Variants in C1orf159 observed in about 807,000 individuals in gnomAD.
The protein encoded by C1orf159 is uncharacterized protein C1orf159.
A neutral mutation model predicts 25.6 loss-of-function variants in C1orf159; 19 were observed. The observed-to-expected ratio is 0.74, with a 90% CI of 0.52 to 1.09. C1orf159 has a LOEUF of 1.09. C1orf159 is among the 50% of genes least tolerant of loss of function. The probability of loss-of-function intolerance (pLI) is 0.00; values close to 1 mark genes in which losing one functional copy is unlikely to be tolerated. For missense variants in C1orf159, 274 were observed against 290.6 expected (o/e 0.94, Z 0.42); for synonymous variants, 139 against 124.7 (o/e 1.12, Z -0.77).
Position 1,110,135 on chromosome 1 carries a change from A to G in C1orf159, c.-136+5925T>C, listed in dbSNP as rs1646237525. Among the ~76,000 whole-genome samples the G allele has an allele frequency of 6.6e-6, 1 of 152,136 alleles. No homozygotes were observed. The highest frequency in any genetic ancestry group is 1.5e-5 in the Non-Finnish European group (1 of 68,014). ...GGTCCTGATTATAACTCGGCGTCTT[A>G]TTGCCGCAGAGTCTGTCAGTCTCGT... is the stretch of plus-strand genomic sequence containing the variant. On this transcript the variant is annotated intron_variant, in intron 1 of 9. Transcript: ENST00000421241. The surrounding 1 kb of genome is among the most constrained non-coding windows in gnomAD (Gnocchi z 4.8).
Position 1,084,363 on chromosome 1 carries a change from T to C in C1orf159, c.492A>G (p.Pro164=), listed in dbSNP as rs767160197. 1.3e-6 allele frequency: 2 copies of C among 1,561,668 alleles called. No homozygotes were observed. Among genetic ancestry groups the C allele is most frequent in the African/African-American group, 2.7e-5 (2 of 73,102 alleles). ...PGEAAAMIPP[P]QSSVRKPRYV... The stretch of plus-strand genomic sequence containing the variant: ...GACAGCTGCTGTTACCTGAGGACTG[T>C]GGCGGGGGGATCATTGCAGCCTTGA... Residue 164 remains proline (P), a synonymous_variant, in exon 9 of 10, where the codon CCA becomes CCG. Transcript: ENST00000421241.
chr1:1,086,323 G>A (rs1016762757), intron 6 of C1orf159, among the ~76,000 whole-genome samples: 3 of 152,230 alleles, frequency 2.0e-5, no homozygotes, highest in African/African-American at 4.8e-5. Context: ...ACACCTCTCC[G>A]ATTCCAGTTG....
intron 3 of C1orf159, chr1:1,090,846 T>C (rs1196067243): frequency 6.6e-7 from 1 of 1,525,634 alleles, no homozygotes; most frequent in African/African-American, 1.4e-5. Flanking sequence ...GCCCAGGTAC[T>C]GCACAGGTGC....
intron 3 of C1orf159, chr1:1,090,819 C>T (rs376634449): frequency 1.7e-5 from 25 of 1,430,860 alleles, no homozygotes; most frequent in Non-Finnish European, 2.0e-5. Flanking sequence ...TTTCAGGGGA[C>T]GAATTCACGC....
chr1:1,085,059 G>C (rs1645807643), intron 7 of C1orf159, among the ~76,000 whole-genome samples: 1 of 152,168 alleles, frequency 6.6e-6, no homozygotes, highest in Non-Finnish European at 1.5e-5. Flanking sequence ...CAGAGATGCT[G>C]AGCAGGCCGG....
In C1orf159 at chr1:1,085,913, C is replaced by T. The variant is rs998351606; in HGVS notation, c.410G>A (p.Ser137Asn). ...VAGFFYLKRS[S>N]KLPRACYRRN... ...TCTGTAGCAGGCCCTGGGGAGTTTA[C>T]TGGAGCGCTTGAGGTAGAAGAACCC... Residue 137 changes from serine (S) to asparagine (N), a missense_variant, in exon 7 of 10, where the codon AGT becomes AAT. Transcript: ENST00000421241. The T allele has an allele frequency of 2.5e-6, 4 of 1,613,430 alleles. No individual in the cohort carries two copies. The highest frequency in any genetic ancestry group is 2.5e-6 in the Non-Finnish European group (3 of 1,179,830).
At chr1:1,107,155 C>T (rs1646186204) in intron 1 of C1orf159, among the ~76,000 whole-genome samples, 1 of 152,276 alleles carries the variant, frequency 6.6e-6, no homozygotes, top group South Asian at 2.1e-4. Flanking sequence ...TAGCGCACGG[C>T]ACTGGACTGG....
At chr1:1,090,625 T>C (rs1221557484) in intron 3 of C1orf159, 197 bp from the exon 4 acceptor site, 21 of 697,006 alleles carry the variant, frequency 3.0e-5, no homozygotes, top group Non-Finnish European at 4.9e-5. Flanking sequence ...ACAGTGCACA[T>C]CCCTGTGGGA....
chr1:1,083,843 C>T (rs1391226276), intron 9 of C1orf159: 2 of 1,392,988 alleles, frequency 1.4e-6, no homozygotes, highest in Non-Finnish European at 2.0e-6. Context: ...TGCTCATGGC[C>T]TTGGAGCTGT....
intron 1 of C1orf159, among the ~76,000 whole-genome samples, chr1:1,108,246 A>G (rs1646204887): frequency 1.5e-5 from 2 of 135,982 alleles, no homozygotes; most frequent in South Asian, 2.5e-4. Flanking sequence ...AGCACCGTTC[A>G]CCACAGCCAC....
intron 1 of C1orf159, among the ~76,000 whole-genome samples, chr1:1,093,221 G>A (rs1645965700): frequency 1.3e-5 from 2 of 152,114 alleles, no homozygotes; most frequent in Admixed American, 6.6e-5. Context: ...CCTGCTCAGT[G>A]GAAAACTCCA....
chr1:1,109,916 GAAGTTATGGA>G lies in C1orf159; in HGVS notation c.-136+6134_-136+6143del, dbSNP rs1646234606. ...GTGGCCAGTGGTGTCTTATCAGGAG[GAAGTTATGGA>G]AAGTGACGCTGTAGTTATGGCCGTG... On this transcript the variant is annotated intron_variant, in intron 1 of 9. Transcript: ENST00000421241. 2.6e-5 allele frequency among the ~76,000 whole-genome samples: 4 copies of G among 152,216 alleles called. No individual in the cohort carries two copies. In the South Asian group the frequency reaches 8.3e-4, roughly 31 times the overall value.
intron 1 of C1orf159, among the ~76,000 whole-genome samples, chr1:1,099,887 T>C (rs200164811): frequency 7.2e-6 from 1 of 139,218 alleles, no homozygotes; most frequent in Non-Finnish European, 1.5e-5. Context: ...TCTCCAACTA[T>C]GATTGTGGGT....
At chr1:1,095,789 C>T (rs978820540) in intron 1 of C1orf159, among the ~76,000 whole-genome samples, 13 of 152,106 alleles carry the variant, frequency 8.5e-5, no homozygotes, top group Admixed American at 1.3e-4. Context: ...AAAAGTACAA[C>T]GTCTAGTGTA....
rs1645854879 is a variant in C1orf159 at position 1,087,754 on chromosome 1, G to A, written c.149-157C>T. On this transcript the variant is annotated intron_variant, in intron 4 of 9. Transcript: ENST00000421241. This position sits in a 1 kb window ranked among gnomAD's most constrained non-coding sequence, Gnocchi z 8.3. Reference sequence around the variant, plus strand: ...TGGGCGGCAGACAAGGACACCCCCAGGGAGCATGGCGGGGCCGTGAGCACC... The same window carrying A: ...TGGGCGGCAGACAAGGACACCCCCAAGGAGCATGGCGGGGCCGTGAGCACC... 10 of 635,406 alleles carry A rather than the reference G, an allele frequency of 1.6e-5. No individual in the cohort carries two copies. The highest frequency in any genetic ancestry group is 2.8e-5 in the Non-Finnish European group (10 of 363,226). 39.4% of individuals were successfully genotyped at this position (635,406 alleles called of 1,614,324 possible).
At chr1:1,112,593 G>A (rs1646277261) in intron 1 of C1orf159, among the ~76,000 whole-genome samples, 1 of 151,548 alleles carries the variant, frequency 6.6e-6, no homozygotes, top group East Asian at 1.9e-4. Flanking sequence ...TCCCCCCAGT[G>A]AATACACGGG....
intron 1 of C1orf159, chr1:1,092,328 C>T (rs770737190): frequency 1.7e-4 from 34 of 205,946 alleles, no homozygotes; most frequent in Non-Finnish European, 3.3e-4. Flanking sequence ...CAGGCCCTCG[C>T]TGGGATACGG....
rs1447606659 is a variant in C1orf159 at position 1,091,194 on chromosome 1, C to A, written c.72+278G>T. On this transcript the variant is annotated intron_variant, in intron 3 of 9. Coordinates refer to ENST00000421241, the MANE Select transcript of C1orf159 (RefSeq NM_017891.5). ...TGCGCGGCACGCTGTGCTGTCACCGCTGGCAGAGGTGCTCCCATTGCGGGC... is the reference window on the plus strand; with the variant it reads ...TGCGCGGCACGCTGTGCTGTCACCGATGGCAGAGGTGCTCCCATTGCGGGC... The A allele has an allele frequency of 4.9e-6, 3 of 615,140 alleles. No individual in the cohort carries two copies. In the African/African-American group the frequency reaches 5.6e-5, roughly 11 times the overall value. 38.1% of individuals were successfully genotyped at this position (615,140 alleles called of 1,614,324 possible). A position where few individuals can be genotyped will look rare whatever the true frequency, so the allele number is the denominator to read the frequency against.
intron 1 of C1orf159, among the ~76,000 whole-genome samples, chr1:1,101,610 T>C (rs764082956): frequency 6.6e-6 from 1 of 152,108 alleles, no homozygotes; most frequent in Non-Finnish European, 1.5e-5. Context: ...GCTCAGTCTA[T>C]TGGCTCAGGG....
Sources: gnomAD v4.1 joint callset for allele counts (sites outside exome capture counted in the v4.1 genomes callset) on GRCh38, gnomAD v4.1.1 for gene constraint, Gnocchi (gnomAD v3.1) non-coding constraint, MANE v1.5 for transcripts, NCBI Gene and HGNC (gene_info 2026-07-23, HGNC 2026-07-21) for gene names.